Variants in CAST observed in about 807,000 individuals in gnomAD.
CAST encodes the protein calpastatin.
CAST carries 76 observed loss-of-function variants against 119.6 expected under a neutral mutation model. The ratio of observed to expected loss-of-function variants is 0.64; its 90% CI spans 0.53 to 0.77. The LOEUF (loss-of-function observed/expected upper bound fraction) is 0.77. CAST is among the 30% of genes least tolerant of loss of function. The pLI, the probability that CAST is intolerant of heterozygous loss-of-function variation, is 0.00. For synonymous variants in CAST, 319 were observed against 331.6 expected (o/e 0.96, Z 0.41); for missense variants, 953 against 946.5 (o/e 1.01, Z -0.09).
chr5:96,069,361 GTGTGTGTGTGTGTGTGTGTGTCTA>G, the CAST span, among the ~76,000 whole-genome samples: 7 of 63,910 alleles, frequency 1.1e-4, no homozygotes, highest in East Asian at 2.4e-3. Flanking sequence ...ATGTATGTGT[GTGTGTGTGTGTGTGTGTGTGTCTA>G]TGTGTGTGTG....
At chr5:96,102,656 T>A in the CAST span, among the ~76,000 whole-genome samples, 1 of 152,084 alleles carries the variant, frequency 6.6e-6, no homozygotes. Context: ...TTATCAGCTA[T>A]TTTGTGATGA....
At chr5:96,553,487 T>A (rs1746175417) in intron 1 of CAST, among the ~76,000 whole-genome samples, 1 of 152,192 alleles carries the variant, frequency 6.6e-6, no homozygotes, top group Non-Finnish European at 1.5e-5. Flanking sequence ...GCATTCCCTT[T>A]GAAAACCAGC....
At chr5:96,009,292 G>C in the CAST span, among the ~76,000 whole-genome samples, 5 of 152,052 alleles carry the variant, frequency 3.3e-5, no homozygotes, top group Non-Finnish European at 7.4e-5. Flanking sequence ...GTATCTTTTT[G>C]GTAGAATGAT....
At chr5:96,101,576 C>A in the CAST span, among the ~76,000 whole-genome samples, 5 of 152,204 alleles carry the variant, frequency 3.3e-5, no homozygotes, top group Non-Finnish European at 7.3e-5. Context: ...ATTCTCCCAC[C>A]ACCTGTACTA....
intron 1 of CAST, among the ~76,000 whole-genome samples, chr5:96,534,254 A>G (rs894533883): frequency 6.6e-6 from 1 of 152,248 alleles, no homozygotes; most frequent in Non-Finnish European, 1.5e-5. Context: ...AAAATCATAC[A>G]CGAGCAAAAA....
chr5:96,315,487 C>A, the CAST span, among the ~76,000 whole-genome samples: 140 of 152,318 alleles, frequency 9.2e-4, no homozygotes, highest in African/African-American at 3.2e-3. Flanking sequence ...GCATGATCAT[C>A]TTTGCCAGGG....
chr5:96,767,818 C>T lies in CAST; in HGVS notation c.2176-89C>T, dbSNP rs981609948. The T allele has an allele frequency of 9.2e-6, 7 of 761,186 alleles. No homozygotes were observed. In the East Asian group the frequency reaches 1.5e-4, roughly 17 times the overall value. 47.2% of individuals were successfully genotyped at this position (761,186 alleles called of 1,614,324 possible). ...GTCAGTTTTTTTCTTATAGAAACATCTTTTATTTGTAAGTGATGTGGGAAA... is the reference window on the plus strand; with the variant it reads ...GTCAGTTTTTTTCTTATAGAAACATTTTTTATTTGTAAGTGATGTGGGAAA... On this transcript the variant is annotated intron_variant, in intron 28 of 31. Transcript: ENST00000675179.
the CAST span, among the ~76,000 whole-genome samples, chr5:96,362,330 A>G: frequency 2.6e-5 from 4 of 152,166 alleles, no homozygotes; most frequent in African/African-American, 7.2e-5. Flanking sequence ...ATGATTTATA[A>G]TCCTTTGGGT....
At chr5:96,318,748 T>C in the CAST span, 1 of 152,288 alleles carries the variant, frequency 6.6e-6, no homozygotes, top group Admixed American at 6.5e-5. Context: ...TGTTGATTTC[T>C]TCATTGAGTG....
At chr5:96,401,051 C>A in the CAST span, among the ~76,000 whole-genome samples, 8,412 of 115,648 alleles carry the variant, frequency 0.073, 310 homozygotes, top group Middle Eastern at 0.16. Flanking sequence ...TGTGCCACTG[C>A]AATCCGGCCT....
the CAST span, among the ~76,000 whole-genome samples, chr5:96,196,679 A>G: frequency 6.6e-6 from 1 of 152,196 alleles, no homozygotes; most frequent in Non-Finnish European, 1.5e-5. Context: ...CCGTTACAAT[A>G]AAAAAGTGGG....
chr5:96,762,899 A>C (rs1378630071), intron 25 of CAST: 2 of 441,748 alleles, frequency 4.5e-6, no homozygotes, highest in African/African-American at 4.0e-5. Context: ...GAAGAACCTC[A>C]GCATCAATAT....
chr5:96,084,331 T>C, the CAST span, among the ~76,000 whole-genome samples: 1 of 152,064 alleles, frequency 6.6e-6, no homozygotes, highest in Non-Finnish European at 1.5e-5. Flanking sequence ...GAGGGATGAA[T>C]GTGGTAAACT....
At chr5:96,770,319 T>C in intron 29 of CAST, 2 of 521,594 alleles carry the variant, frequency 3.8e-6, no homozygotes, top group Non-Finnish European at 7.0e-6. Context: ...GTCACCCACA[T>C]TTCCCTCCTT....
chr5:96,396,036 T>C, the CAST span, among the ~76,000 whole-genome samples: 5 of 152,192 alleles, frequency 3.3e-5, no homozygotes, highest in African/African-American at 7.2e-5. Context: ...AGTTTCCTGA[T>C]GGTGAAATTG....
the CAST span, among the ~76,000 whole-genome samples, chr5:96,293,334 A>C: frequency 2.6e-5 from 4 of 152,232 alleles, no homozygotes; most frequent in Admixed American, 2.6e-4. Context: ...ACTGGAGTGC[A>C]GTGGCACGAT....
chr5:96,588,608 AT>A (rs1196190830), intron 1 of CAST, among the ~76,000 whole-genome samples: 5 of 152,160 alleles, frequency 3.3e-5, no homozygotes, highest in Admixed American at 1.3e-4. Context: ...CTTTTTACCA[AT>A]TGGATGAAAT....
At chr5:95,972,682 T>A in the CAST span, among the ~76,000 whole-genome samples, 1 of 152,342 alleles carries the variant, frequency 6.6e-6, no homozygotes, top group East Asian at 1.9e-4. Flanking sequence ...AAGTATCTTT[T>A]GCAGAGCAAA....
chr5:96,585,628 C>G (rs1160979004), intron 1 of CAST, among the ~76,000 whole-genome samples: 1 of 152,024 alleles, frequency 6.6e-6, no homozygotes. Context: ...TTAACTGCAC[C>G]CAGCATTCTC....
Sources: allele counts gnomAD v4.1 joint callset (sites outside exome capture counted in the v4.1 genomes callset), GRCh38; gene constraint gnomAD v4.1.1; transcripts MANE v1.5; gene names NCBI Gene and HGNC (gene_info 2026-07-23, HGNC 2026-07-21).